Variants in FOXO3 observed in about 807,000 individuals in gnomAD.
The protein encoded by FOXO3 is forkhead box protein O3.
A neutral mutation model predicts 41.9 loss-of-function variants in FOXO3; 4 were observed. That is an observed-to-expected ratio of 0.10 (90% CI 0.05 to 0.22). The LOEUF (loss-of-function observed/expected upper bound fraction) is 0.22, where lower values mean the gene tolerates loss of function less well. Among genes scored for constraint, FOXO3 ranks in the 10% least tolerant of loss-of-function variants. The pLI is 1.00. For synonymous variants in FOXO3, 318 were observed against 389.3 expected (o/e 0.82, Z 2.16); for missense variants, 534 against 906.8 (o/e 0.59, Z 5.28).
intron 1 of FOXO3, among the ~76,000 whole-genome samples, chr6:108,659,060 T>C (rs1176058955): frequency 2.0e-5 from 3 of 152,080 alleles, no homozygotes; most frequent in Non-Finnish European, 4.4e-5. Flanking sequence ...AATTTTTGTA[T>C]TTTTTGTAGA....
rs202239504 is a variant in FOXO3, at chr6:108,572,683, A to C, written c.621+10854A>C. ...ATTAGAGATATGTGTAGTTTTTGCA[A>C]TAAAAAGAGTCTACACAAGACATTT... On this transcript the variant is annotated intron_variant, in intron 1 of 2. Transcript: ENST00000406360. 2.2e-4 allele frequency among the ~76,000 whole-genome samples: 33 copies of C among 152,296 alleles called. No homozygotes were observed. The East Asian group carries it at 6.4e-3, about 29-fold the overall frequency.
Position 108,680,001 on chromosome 6 carries a change from A to T in FOXO3, c.*209A>T, listed in dbSNP as rs566502413. 2.0e-5 allele frequency: 3 copies of T among 153,088 alleles called. No individual in the cohort carries two copies. Among genetic ancestry groups the T allele is most frequent in the African/African-American group, 7.2e-5 (3 of 41,588 alleles). The allele number at this position is 153,088 out of a possible 1,614,324, so 9.5% of individuals were successfully genotyped here. A position where few individuals can be genotyped will look rare whatever the true frequency, so the allele number is the denominator to read the frequency against. On this transcript the variant is annotated 3_prime_UTR_variant, in exon 3 of 3. Transcript: ENST00000406360. ...TGGGTGAAGCACTTACCCTTGGAAC[A>T]GAACTCTAAAAAGTATGCAAAATCT...
At chr6:108,562,320 C>T (rs1179223801) in intron 1 of FOXO3, among the ~76,000 whole-genome samples, 2 of 152,094 alleles carry the variant, frequency 1.3e-5, no homozygotes, top group Non-Finnish European at 2.9e-5. Context: ...TGAATGAGAA[C>T]CTTCGGGTCC....
At chr6:108,677,994 G>T (rs1770684176) in intron 2 of FOXO3, among the ~76,000 whole-genome samples, 1 of 152,120 alleles carries the variant, frequency 6.6e-6, no homozygotes, top group South Asian at 2.1e-4. Context: ...GAAGAAAGAG[G>T]CTTCTTTTTA....
chr6:108,655,978 GAC>G (rs1182813231), intron 1 of FOXO3, among the ~76,000 whole-genome samples: 2 of 152,186 alleles, frequency 1.3e-5, no homozygotes, highest in African/African-American at 2.4e-5. Context: ...TGTATTGAAA[GAC>G]AGTCCTTTCC....
intron 1 of FOXO3, among the ~76,000 whole-genome samples, chr6:108,604,776 T>G (rs1777147417): frequency 6.6e-6 from 1 of 152,158 alleles, no homozygotes. Context: ...TTTAAGTATT[T>G]GAAGGATTGT....
chr6:108,600,138 C>A (rs1777004078), intron 1 of FOXO3, among the ~76,000 whole-genome samples: 1 of 152,144 alleles, frequency 6.6e-6, no homozygotes, highest in South Asian at 2.1e-4. Flanking sequence ...AGGAAAAAGA[C>A]TACTTTAGTG....
At chr6:108,641,093 A>G (rs897889911) in intron 1 of FOXO3, among the ~76,000 whole-genome samples, 23 of 152,042 alleles carry the variant, frequency 1.5e-4, no homozygotes, top group African/African-American at 5.3e-4. Flanking sequence ...TATTTTTAGT[A>G]GAGACAGGGT....
chr6:108,617,429 A>G (rs749111195), intron 1 of FOXO3, among the ~76,000 whole-genome samples: 8 of 152,198 alleles, frequency 5.3e-5, no homozygotes, highest in Non-Finnish European at 1.0e-4. Flanking sequence ...TTATTTAAAC[A>G]GTAAGACGCT....
intron 1 of FOXO3, among the ~76,000 whole-genome samples, chr6:108,651,460 C>G (rs1778546079): frequency 6.6e-6 from 1 of 152,190 alleles, no homozygotes; most frequent in Admixed American, 6.5e-5. Context: ...TGCCCACACA[C>G]TGGCATATAT....
intron 1 of FOXO3, among the ~76,000 whole-genome samples, chr6:108,625,816 G>A (rs1374644242): frequency 1.3e-5 from 2 of 152,158 alleles, no homozygotes; most frequent in African/African-American, 2.4e-5. Context: ...TCACTACCAT[G>A]TCCTGGGTTG....
chr6:108,618,218 C>T (rs867994061), intron 1 of FOXO3: 5 of 847,054 alleles, frequency 5.9e-6, no homozygotes, highest in African/African-American at 3.3e-5. Context: ...ACCACCCTGC[C>T]CCACCACCTT....
At chr6:108,647,316 A>G (rs146742266) in intron 1 of FOXO3, among the ~76,000 whole-genome samples, 140 of 152,312 alleles carry the variant, frequency 9.2e-4, no homozygotes, top group Non-Finnish European at 1.6e-3. Flanking sequence ...AGGCCTTGCC[A>G]CTCAGCCCAA....
chr6:108,573,703 C>A (rs1341392088), intron 1 of FOXO3, among the ~76,000 whole-genome samples: 9 of 151,952 alleles, frequency 5.9e-5, no homozygotes, highest in Non-Finnish European at 1.2e-4. Context: ...GTGGCTGGCG[C>A]CTGTAATCCC....
chr6:108,625,746 G>A (rs997415222), intron 1 of FOXO3, among the ~76,000 whole-genome samples: 4 of 152,004 alleles, frequency 2.6e-5, no homozygotes, highest in African/African-American at 9.7e-5. Flanking sequence ...CCAGCTGTGT[G>A]GCCTTGAGTG....
intron 1 of FOXO3, among the ~76,000 whole-genome samples, chr6:108,585,115 C>T (rs1347923115): frequency 6.3e-5 from 9 of 141,956 alleles, no homozygotes; most frequent in Admixed American, 6.0e-4. Flanking sequence ...AATCTCGGCT[C>T]ACTGCAAGCT....
chr6:108,596,968 A>C (rs1776903569), intron 1 of FOXO3, among the ~76,000 whole-genome samples: 2 of 152,160 alleles, frequency 1.3e-5, no homozygotes, highest in Non-Finnish European at 2.9e-5. Context: ...GACTAAATAA[A>C]CTAGAGTCTT....
At position 108,649,169 on chromosome 6, in the gene FOXO3, C is replaced by T. The variant is rs144771135; in HGVS notation, c.622-14286C>T. ...TTTTGCATTGGTTCTTCCTTGCCCC[C>T]GAATCCCACAGGGGTGACATAGATA... On this transcript the variant is annotated intron_variant, in intron 1 of 2. Coordinates refer to ENST00000406360, the MANE Select transcript of FOXO3 (RefSeq NM_001455.4). Among the ~76,000 whole-genome samples, 209 of 152,156 alleles carry T rather than the reference C, an allele frequency of 1.4e-3. 2 individuals carry two copies. Among genetic ancestry groups the T allele is most frequent in the African/African-American group, 4.7e-3 (194 of 41,512 alleles).
intron 1 of FOXO3, chr6:108,639,440 C>T: frequency 2.0e-6 from 1 of 496,242 alleles, no homozygotes; most frequent in Non-Finnish European, 2.6e-6. Context: ...ATACATTGGA[C>T]AGAAATGAAA....
Sources: gnomAD v4.1 joint callset for allele counts (sites outside exome capture counted in the v4.1 genomes callset) on GRCh38, gnomAD v4.1.1 for gene constraint, MANE v1.5 for transcripts, NCBI Gene and HGNC (gene_info 2026-07-23, HGNC 2026-07-21) for gene names.